CLEC2A: variants seen among roughly 807,000 people sequenced by gnomAD.
The protein encoded by CLEC2A is keratinocyte-associated C-type lectin.
CLEC2A carries 19 observed loss-of-function variants against 18.6 expected under a neutral mutation model. That is an observed-to-expected ratio of 1.02 (90% CI 0.71 to 1.50). The LOEUF (loss-of-function observed/expected upper bound fraction) is 1.50. Among genes scored for constraint, CLEC2A ranks in the 40% most tolerant of loss-of-function variants. The probability of loss-of-function intolerance (pLI) is 0.00; values close to 1 mark genes in which losing one functional copy is unlikely to be tolerated. For synonymous variants in CLEC2A, 74 were observed against 64.0 expected (o/e 1.16, Z -0.75); for missense variants, 190 against 207.9 (o/e 0.91, Z 0.53).
At chr12:9,895,865 G>T, downstream of CLEC2A, 1 of 1,488,548 alleles carries the variant, frequency 6.7e-7, no homozygotes, top group Non-Finnish European at 8.9e-7. Flanking sequence ...TACTTTGCAT[G>T]TTAAAGCAGA....
At chr12:9,931,455 A>G (rs1371049035) in intron 1 of CLEC2A, among the ~76,000 whole-genome samples, 1 of 152,238 alleles carries the variant, frequency 6.6e-6, no homozygotes, top group Non-Finnish European at 1.5e-5. Flanking sequence ...GAGAGATATT[A>G]TCACTGAAAA....
At chr12:9,908,654 G>A (rs188338564), downstream of CLEC2A, among the ~76,000 whole-genome samples, 1,284 of 152,246 alleles carry the variant, frequency 8.4e-3, 31 homozygotes, top group Admixed American at 0.053. Flanking sequence ...AGTCATGAGT[G>A]GAAGGACTTC....
intron 4 of CLEC2A, among the ~76,000 whole-genome samples, chr12:9,914,445 G>C (rs4764085): frequency 0.33 from 50,320 of 152,014 alleles, 9,383 homozygotes; most frequent in Non-Finnish European, 0.42. Context: ...GAGGCATCAT[G>C]CTACCTGACT....
rs566105489 is a variant in CLEC2A, at chr12:9,915,558, A to G, written c.410+1142T>C. On this transcript the variant is annotated intron_variant, in intron 4 of 4. Transcript: ENST00000455827. ...ATGAGTCCATGTTCTTTGCAGGGACATGGATGAATCTGGAAACTGTCATCC... is the reference window on the plus strand; with the variant it reads ...ATGAGTCCATGTTCTTTGCAGGGACGTGGATGAATCTGGAAACTGTCATCC... Among the ~76,000 whole-genome samples the G allele has an allele frequency of 7.9e-5, 12 of 152,346 alleles. No individual in the cohort carries two copies. In the East Asian group the frequency reaches 9.6e-4, roughly 12 times the overall value.
intron 4 of CLEC2A, among the ~76,000 whole-genome samples, chr12:9,907,638 A>C (rs1187682843): frequency 6.6e-6 from 1 of 152,108 alleles, no homozygotes; most frequent in Non-Finnish European, 1.5e-5. Flanking sequence ...CTTTCTCTAC[A>C]TTTTCACCAG....
the CLEC2A span, chr12:9,885,147 A>G: frequency 2.9e-6 from 1 of 346,450 alleles, no homozygotes; most frequent in Non-Finnish European, 5.1e-6. Context: ...CATATGTCAT[A>G]TTATAAAATT....
the CLEC2A span, chr12:9,892,925 A>C: frequency 9.2e-7 from 1 of 1,092,390 alleles, no homozygotes; most frequent in Non-Finnish European, 1.3e-6. Context: ...AATGAGTTGG[A>C]AAAATCTATT....
intron 1 of CLEC2A, among the ~76,000 whole-genome samples, chr12:9,929,658 A>G (rs1025795183): frequency 2.6e-5 from 4 of 152,124 alleles, no homozygotes; most frequent in Non-Finnish European, 1.5e-5. Flanking sequence ...TAGTAAATAA[A>G]TATTTTCTTG....
intron 4 of CLEC2A, among the ~76,000 whole-genome samples, chr12:9,905,074 C>G (rs1862888289): frequency 6.6e-6 from 1 of 152,138 alleles, no homozygotes; most frequent in Non-Finnish European, 1.5e-5. Context: ...TAGTTTGAGT[C>G]ACATTGATGA....
At chr12:9,922,896 G>A (rs897238608) in intron 2 of CLEC2A, among the ~76,000 whole-genome samples, 31 of 152,096 alleles carry the variant, frequency 2.0e-4, no homozygotes, top group African/African-American at 6.8e-4. Context: ...AACTCCAAAG[G>A]CTGCACCCCC....
chr12:9,920,188 G>A (rs1489870198), intron 3 of CLEC2A, among the ~76,000 whole-genome samples: 1 of 152,204 alleles, frequency 6.6e-6, no homozygotes, highest in African/African-American at 2.4e-5. Flanking sequence ...CCTGCAGAAT[G>A]TCGCTGCTCA....
At chr12:9,912,623 G>A (rs766722643), downstream of CLEC2A, among the ~76,000 whole-genome samples, 1 of 149,060 alleles carries the variant, frequency 6.7e-6, no homozygotes, top group Non-Finnish European at 1.5e-5. Context: ...GCTCACAGAT[G>A]TTTTAGAGGA....
downstream of CLEC2A, among the ~76,000 whole-genome samples, chr12:9,894,956 A>G (rs1274650934): frequency 6.6e-6 from 1 of 152,178 alleles, no homozygotes; most frequent in Non-Finnish European, 1.5e-5. Flanking sequence ...AACAACACAC[A>G]TGCAGGTGGT....
At chr12:9,881,947 T>C in the CLEC2A span, among the ~76,000 whole-genome samples, 2 of 152,032 alleles carry the variant, frequency 1.3e-5, no homozygotes, top group African/African-American at 4.8e-5. Context: ...AAAATTGTGT[T>C]TTTACAGAAA....
At chr12:9,893,476 A>G in the CLEC2A span, 2 of 1,522,528 alleles carry the variant, frequency 1.3e-6, no homozygotes, top group Non-Finnish European at 1.8e-6. Flanking sequence ...GTTGGATTGG[A>G]CTATATGTTA....
Position 9,902,584 on chromosome 12 carries a change from C to T in CLEC2A, c.411-3608G>A, listed in dbSNP as rs7316203. ...AGTGCTCAGTGCCGGGCAACCCGCTCGGGTCCCCTTCCACACTGTGGAAGC... is the reference window on the plus strand; with the variant it reads ...AGTGCTCAGTGCCGGGCAACCCGCTTGGGTCCCCTTCCACACTGTGGAAGC... On this transcript the variant is annotated intron_variant, in intron 4 of 4. Coordinates refer to the CLEC2A transcript ENST00000339766. 2.0e-5 allele frequency among the ~76,000 whole-genome samples: 3 copies of T among 150,830 alleles called. No individual in the cohort carries two copies. In the South Asian group the frequency reaches 6.3e-4, roughly 32 times the overall value.
At chr12:9,902,910 G>A (rs553675840) in intron 4 of CLEC2A, among the ~76,000 whole-genome samples, 1 of 152,170 alleles carries the variant, frequency 6.6e-6, no homozygotes, top group Non-Finnish European at 1.5e-5. Flanking sequence ...TTCTATATAA[G>A]GTAGACACGT....
At chr12:9,931,783 G>A (rs145881056) in intron 1 of CLEC2A, among the ~76,000 whole-genome samples, 1 of 152,058 alleles carries the variant, frequency 6.6e-6, no homozygotes, top group Admixed American at 6.5e-5. Flanking sequence ...CAGAACTATT[G>A]TGAATGGAGG....
At chr12:9,878,119 A>G in the CLEC2A span, among the ~76,000 whole-genome samples, 2 of 38,784 alleles carry the variant, frequency 5.2e-5, no homozygotes, top group African/African-American at 1.1e-4. Flanking sequence ...ACCCTGTCTG[A>G]AAAAAAAAAT....
Sources: gnomAD v4.1 joint callset for allele counts (sites outside exome capture counted in the v4.1 genomes callset) on GRCh38, gnomAD v4.1.1 for gene constraint, MANE v1.5 for transcripts, NCBI Gene and HGNC (gene_info 2026-07-23, HGNC 2026-07-21) for gene names.